The following BRD4 variants were observed in gnomAD, a reference collection of about 807,000 sequenced individuals.
BRD4 encodes the protein bromodomain containing 4, also known as bromodomain-containing protein 4.
Under a neutral mutation model 142.1 loss-of-function variants are expected in BRD4, and 16 were observed. That is an observed-to-expected ratio of 0.11 (90% CI 0.08 to 0.17). BRD4 has a LOEUF of 0.17. Among genes scored for constraint, BRD4 ranks in the 10% least tolerant of loss-of-function variants. The pLI, the probability that BRD4 is intolerant of heterozygous loss-of-function variation, is 1.00. For missense variants in BRD4, 1,424 were observed against 1,810.9 expected, an observed-to-expected ratio of 0.79 and a Z score of 3.88; for synonymous variants, 833 against 707.5, an observed-to-expected ratio of 1.18 and a Z score of -2.82.
intron 1 of BRD4, among the ~76,000 whole-genome samples, chr19:15,286,134 T>C (rs2047738314): frequency 6.6e-6 from 1 of 152,206 alleles, no homozygotes; most frequent in African/African-American, 2.4e-5. Flanking sequence ...CCTATGGACC[T>C]AAGGCCAAAA....
intron 11 of BRD4, chr19:15,253,640 C>G (rs1318489816): frequency 6.3e-7 from 1 of 1,597,348 alleles, no homozygotes; most frequent in African/African-American, 1.3e-5. Flanking sequence ...GGGCCAGCAG[C>G]AGACTGGCGA....
chr19:15,321,079 C>T (rs192251421), intron 1 of BRD4, among the ~76,000 whole-genome samples: 22 of 152,198 alleles, frequency 1.4e-4, no homozygotes, highest in African/African-American at 5.1e-4. Flanking sequence ...ACTAAAAATA[C>T]AAAAACTAGC....
At chr19:15,305,476 T>TCA (rs1380265625) in intron 1 of BRD4, among the ~76,000 whole-genome samples, 1 of 152,232 alleles carries the variant, frequency 6.6e-6, no homozygotes, top group African/African-American at 2.4e-5. Context: ...ACAAGGTGCA[T>TCA]CACCAATGAG....
chr19:15,246,591 T>C (rs1351598849), intron 11 of BRD4: 1 of 152,176 alleles, frequency 6.6e-6, no homozygotes, highest in Non-Finnish European at 1.5e-5. Flanking sequence ...TGTTGTCTCG[T>C]GGCCTTGGAA....
intron 1 of BRD4, among the ~76,000 whole-genome samples, chr19:15,302,364 T>A (rs1046254374): frequency 6.6e-6 from 1 of 152,266 alleles, no homozygotes; most frequent in Non-Finnish European, 1.5e-5. Flanking sequence ...GCTTCCATGC[T>A]AACCTGGGGG....
intron 7 of BRD4, among the ~76,000 whole-genome samples, chr19:15,261,144 C>G (rs2047466475): frequency 6.6e-6 from 1 of 152,158 alleles, no homozygotes; most frequent in Non-Finnish European, 1.5e-5. Context: ...AGGCACCAAT[C>G]TGAGGGCGCC....
chr19:15,327,018 A>G (rs2048113897), intron 1 of BRD4, among the ~76,000 whole-genome samples: 1 of 152,192 alleles, frequency 6.6e-6, no homozygotes, highest in African/African-American at 2.4e-5. Flanking sequence ...ACGGTGACCA[A>G]ACCATGAAGG....
At chr19:15,304,720 G>T (rs2047898858) in intron 1 of BRD4, among the ~76,000 whole-genome samples, 1 of 152,186 alleles carries the variant, frequency 6.6e-6, no homozygotes, top group Non-Finnish European at 1.5e-5. Flanking sequence ...GGGGCTCAAT[G>T]TGTCTGTATG....
intron 7 of BRD4, among the ~76,000 whole-genome samples, 177 bp downstream of exon 7, chr19:15,263,243 A>G (rs559813652): frequency 6.6e-6 from 1 of 152,214 alleles, no homozygotes; most frequent in East Asian, 1.9e-4. Flanking sequence ...CTTTAATTGA[A>G]TAACCCCAAC....
At chr19:15,293,751 T>C (rs2047802158) in intron 1 of BRD4, among the ~76,000 whole-genome samples, 1 of 152,234 alleles carries the variant, frequency 6.6e-6, no homozygotes, top group South Asian at 2.1e-4. Context: ...CCATCATCAT[T>C]ATCCTCCTCT....
At chr19:15,257,271 A>C in intron 7 of BRD4, 98 bp from the exon 8 acceptor site, 1 of 1,204,634 alleles carries the variant, frequency 8.3e-7, no homozygotes, top group Non-Finnish European at 1.1e-6. Flanking sequence ...CTCAACAGAA[A>C]GCAACCGAGG....
At chr19:15,323,178 TA>T (rs1017018376) in intron 1 of BRD4, among the ~76,000 whole-genome samples, 2,219 of 72,914 alleles carry the variant, frequency 0.03, 14 homozygotes, top group Middle Eastern at 0.043. Flanking sequence ...TCCATCTCTT[TA>T]AAAAAAAAAA....
chr19:15,271,933 A>G lies in BRD4; in HGVS notation c.285+882T>C, dbSNP rs76462729. ...CTACACACCAGTGGCTCTGGTGTGC[A>G]CACACCAGTGGCTCTGGTGTGCACA... On this transcript the variant is annotated intron_variant, in intron 2 of 19. Transcript: ENST00000679869. 2.1e-3 allele frequency among the ~76,000 whole-genome samples: 316 copies of G among 150,140 alleles called. 2 individuals carry two copies. Among genetic ancestry groups the G allele is most frequent in the Middle Eastern group, 6.8e-3 (2 of 292 alleles).
At chr19:15,253,748 G>T (rs765663514) in intron 11 of BRD4, 30 of 1,598,314 alleles carry the variant, frequency 1.9e-5, no homozygotes, top group African/African-American at 2.7e-5. Context: ...TACGGGGAAG[G>T]CCCTGGGGAC....
chr19:15,254,049 G>A lies in BRD4; in HGVS notation c.2158+103C>T, dbSNP rs982563968. 7 of 964,478 alleles carry A rather than the reference G, an allele frequency of 7.3e-6. No homozygotes were observed. In the Admixed American group the frequency reaches 1.0e-4, roughly 14 times the overall value. The allele number at this position is 964,478 out of a possible 1,614,324, so 59.7% of individuals were successfully genotyped here. A position where few individuals can be genotyped will look rare whatever the true frequency, so the allele number is the denominator to read the frequency against. On this transcript the variant is annotated intron_variant, in intron 11 of 19. Transcript: ENST00000679869. ...GACAGAGGAACCCAGCAAGTTCTGG[G>A]AGTGCCGTCTCTGGGCTCTAGCATC... is the stretch of plus-strand genomic sequence containing the variant.
intron 13 of BRD4, 38 bp from the exon 14 acceptor site, chr19:15,243,525 A>T (rs2145512634): frequency 6.6e-7 from 1 of 1,505,802 alleles, no homozygotes; most frequent in Non-Finnish European, 8.8e-7. Flanking sequence ...AGGCCTGAGC[A>T]CCTGTGGCCC....
intron 1 of BRD4, among the ~76,000 whole-genome samples, chr19:15,292,658 G>C (rs1165259987): frequency 6.6e-6 from 1 of 151,442 alleles, no homozygotes; most frequent in Non-Finnish European, 1.5e-5. Flanking sequence ...GGCACCTGTA[G>C]TCCCAGCTAC....
At position 15,328,877 on chromosome 19, in the gene BRD4, G is replaced by T. The variant is rs149980862; in HGVS notation, c.-35+3413C>A. Among the ~76,000 whole-genome samples, 461 of 152,274 alleles carry T rather than the reference G, an allele frequency of 3.0e-3. 3 individuals are homozygous for T. Among genetic ancestry groups the T allele is most frequent in the African/African-American group, 0.011 (446 of 41,554 alleles). On this transcript the variant is annotated intron_variant, in intron 1 of 19. Coordinates refer to ENST00000679869, the MANE Select transcript of BRD4 (RefSeq NM_001379291.1). ...CAACCTCCGCCTCCCGGGTTCAAGC[G>T]ATTCTCCTGCCTCAGCCTCCCGAGT...
chr19:15,276,502 T>A (rs533766408), intron 1 of BRD4, among the ~76,000 whole-genome samples: 1 of 151,008 alleles, frequency 6.6e-6, no homozygotes, highest in East Asian at 1.9e-4. Context: ...TCACAGACTC[T>A]CTCTCTCTCT....
Sources: allele counts gnomAD v4.1 joint callset (sites outside exome capture counted in the v4.1 genomes callset), GRCh38; gene constraint gnomAD v4.1.1; transcripts MANE v1.5; gene names NCBI Gene and HGNC (gene_info 2026-07-23, HGNC 2026-07-21).